Variants in KIAA1217 observed in about 807,000 individuals in gnomAD.
The protein encoded by KIAA1217 is KIAA1217.
KIAA1217 carries 88 observed loss-of-function variants against 163.9 expected under a neutral mutation model. The ratio of observed to expected loss-of-function variants is 0.54; its 90% CI spans 0.45 to 0.64. The LOEUF is 0.64. Among genes scored for constraint, KIAA1217 ranks in the 30% least tolerant of loss-of-function variants. KIAA1217 has a pLI of 0.00. For synonymous variants in KIAA1217, 903 were observed against 923.1 expected (o/e 0.98, Z 0.39); for missense variants, 2,372 against 2,475.0 (o/e 0.96, Z 0.88).
chr10:24,153,958 A>G (rs75719405), intron 2 of KIAA1217, among the ~76,000 whole-genome samples: 1 of 135,342 alleles, frequency 7.4e-6, no homozygotes, highest in Non-Finnish European at 1.6e-5. Context: ...TACAAAAAAT[A>G]TTTTTTTTTT....
At chr10:23,834,104 A>T (rs540788837) in intron 1 of KIAA1217, among the ~76,000 whole-genome samples, 1 of 152,250 alleles carries the variant, frequency 6.6e-6, no homozygotes, top group South Asian at 2.1e-4. Flanking sequence ...GATTAGTCTT[A>T]TATTTGTGTT....
chr10:24,440,801 C>A (rs2060436989), intron 5 of KIAA1217, among the ~76,000 whole-genome samples: 1 of 152,150 alleles, frequency 6.6e-6, no homozygotes, highest in Admixed American at 6.5e-5. Context: ...TGTTTCAATG[C>A]AGATTACTTA....
chr10:23,968,980 G>C (rs1264440903), intron 1 of KIAA1217, among the ~76,000 whole-genome samples: 1 of 152,096 alleles, frequency 6.6e-6, no homozygotes, highest in Non-Finnish European at 1.5e-5. Flanking sequence ...TTTGTCTCTT[G>C]AGTACATACC....
intron 1 of KIAA1217, among the ~76,000 whole-genome samples, chr10:23,804,691 T>A (rs1267751881): frequency 6.6e-6 from 1 of 152,218 alleles, no homozygotes; most frequent in Non-Finnish European, 1.5e-5. Flanking sequence ...GTATATATGC[T>A]TTATACAGCA....
At chr10:24,075,935 C>A (rs1282830346) in intron 2 of KIAA1217, among the ~76,000 whole-genome samples, 1 of 144,926 alleles carries the variant, frequency 6.9e-6, no homozygotes, top group Non-Finnish European at 1.5e-5. Context: ...TATCAATGAA[C>A]CTTAATTTTT....
intron 2 of KIAA1217, among the ~76,000 whole-genome samples, chr10:24,202,634 G>C (rs938721379): frequency 1.3e-5 from 2 of 152,176 alleles, no homozygotes; most frequent in African/African-American, 4.8e-5. Context: ...TATCCTAGCA[G>C]CTCCACGTCT....
chr10:24,232,741 C>T (rs1455584235), intron 2 of KIAA1217, among the ~76,000 whole-genome samples: 2 of 151,918 alleles, frequency 1.3e-5, no homozygotes, highest in Admixed American at 6.6e-5. Flanking sequence ...TTCATTCTTC[C>T]TGCAGTTATG....
intron 1 of KIAA1217, among the ~76,000 whole-genome samples, chr10:23,759,119 G>A (rs1834106341): frequency 6.6e-6 from 1 of 151,856 alleles, no homozygotes; most frequent in Admixed American, 6.6e-5. Context: ...AGTTTCTATT[G>A]TTTGTTTTTT....
intron 2 of KIAA1217, among the ~76,000 whole-genome samples, chr10:24,379,147 G>A (rs979045037): frequency 6.6e-6 from 1 of 152,056 alleles, no homozygotes; most frequent in Non-Finnish European, 1.5e-5. Context: ...TGTCAGGAAT[G>A]AGGACATCAT....
At chr10:24,335,479 T>C (rs1312538483) in intron 2 of KIAA1217, among the ~76,000 whole-genome samples, 1 of 151,352 alleles carries the variant, frequency 6.6e-6, no homozygotes, top group Non-Finnish European at 1.5e-5. Flanking sequence ...AGTTTTATTA[T>C]GGGATGAAAA....
intron 2 of KIAA1217, among the ~76,000 whole-genome samples, chr10:24,164,869 C>G (rs577588532): frequency 2.6e-5 from 4 of 152,268 alleles, no homozygotes; most frequent in African/African-American, 9.6e-5. Flanking sequence ...TGGGACCACT[C>G]AATGGATGCC....
intron 1 of KIAA1217, among the ~76,000 whole-genome samples, chr10:23,755,537 G>A (rs923150812): frequency 2.6e-5 from 4 of 152,218 alleles, no homozygotes; most frequent in Non-Finnish European, 4.4e-5. Flanking sequence ...GAATGTAAAT[G>A]GTCTTTTCTC....
chr10:23,946,230 T>A (rs1309095298), intron 1 of KIAA1217, among the ~76,000 whole-genome samples: 1 of 135,762 alleles, frequency 7.4e-6, no homozygotes, highest in Non-Finnish European at 1.5e-5. Flanking sequence ...CCAAGGAAAA[T>A]CCATGCATGC....
At chr10:24,320,533 T>C (rs984924276) in intron 2 of KIAA1217, among the ~76,000 whole-genome samples, 25 of 152,356 alleles carry the variant, frequency 1.6e-4, no homozygotes, top group African/African-American at 5.8e-4. Context: ...TATTATACTA[T>C]AAATATTGCC....
chr10:24,420,639 G>A (rs947099831), intron 3 of KIAA1217, among the ~76,000 whole-genome samples: 7 of 152,088 alleles, frequency 4.6e-5, no homozygotes, highest in African/African-American at 1.4e-4. Flanking sequence ...TTGTTTATGC[G>A]AAGTTTTAGA....
chr10:24,407,806 G>C (rs1173885967), intron 3 of KIAA1217, among the ~76,000 whole-genome samples: 2 of 152,132 alleles, frequency 1.3e-5, no homozygotes, highest in Admixed American at 6.5e-5. Context: ...AGAGTGGCCT[G>C]GTAGCCCCAC....
intron 2 of KIAA1217, among the ~76,000 whole-genome samples, chr10:24,115,381 G>A (rs1033073145): frequency 5.3e-5 from 8 of 152,164 alleles, no homozygotes; most frequent in African/African-American, 1.9e-4. Flanking sequence ...TGGAGTTTAG[G>A]AAAATTAAAG....
At chr10:23,704,337 G>A (rs1170591627) in intron 1 of KIAA1217, among the ~76,000 whole-genome samples, 1 of 150,412 alleles carries the variant, frequency 6.6e-6, no homozygotes, top group African/African-American at 2.5e-5. Context: ...CATTTAAAGA[G>A]TATAGTTGCA....
At chr10:24,242,164 A>T (rs908991342) in intron 2 of KIAA1217, among the ~76,000 whole-genome samples, 6 of 152,196 alleles carry the variant, frequency 3.9e-5, no homozygotes, top group African/African-American at 1.4e-4. Flanking sequence ...TAGGAGGTAC[A>T]TGTATAGGAT....
Sources: allele counts gnomAD v4.1 joint callset (sites outside exome capture counted in the v4.1 genomes callset), GRCh38; gene constraint gnomAD v4.1.1; transcripts MANE v1.5; gene names NCBI Gene and HGNC (gene_info 2026-07-23, HGNC 2026-07-21).